The following OTUD5 variants were observed in gnomAD, a reference collection of about 807,000 sequenced individuals.
OTUD5 encodes OTU deubiquitinase 5.
In OTUD5, 2 loss-of-function variants were observed where a neutral mutation model predicts 36.3. The ratio of observed to expected loss-of-function variants is 0.06; its 90% CI spans 0.02 to 0.17. OTUD5 has a LOEUF of 0.17. Among genes scored for constraint, OTUD5 ranks in the 10% least tolerant of loss-of-function variants. OTUD5 has a pLI of 1.00. For missense variants in OTUD5, 233 were observed against 512.3 expected, an observed-to-expected ratio of 0.45 and a Z score of 5.26; for synonymous variants, 234 against 214.9, an observed-to-expected ratio of 1.09 and a Z score of -0.78.
At chrX:48,924,476 G>C (rs1412367434) in intron 6 of OTUD5, among the ~76,000 whole-genome samples, 1 of 111,427 alleles carries the variant, frequency 9.0e-6, no homozygotes. Context: ...CATCCTGTCC[G>C]TCCTCTGCTC....
At chrX:48,935,938 CAAAAAAAAAA>C (rs3030315) in intron 2 of OTUD5, among the ~76,000 whole-genome samples, 1 of 37,101 alleles carries the variant, frequency 2.7e-5, no homozygotes, top group African/African-American at 9.7e-5. Context: ...GACTCTGTCT[CAAAAAAAAAA>C]AAAAAAAAAA....
In OTUD5 at chrX:48,926,827, G is replaced by T. The variant is rs993719902; in HGVS notation, c.1060-777C>A. Among the ~76,000 whole-genome samples the T allele has an allele frequency of 2.7e-5, 3 of 111,423 alleles. No homozygotes were observed. The South Asian group carries it at 1.1e-3, about 41-fold the overall frequency. On this transcript the variant is annotated intron_variant, in intron 5 of 8. Coordinates refer to ENST00000376488, the MANE Select transcript of OTUD5 (RefSeq NM_001136157.2). ...AAGTAGTGGGTGTGTGAGGGAATAA[G>T]GGGGCAGTATCAACATGGTGTGGGG...
In OTUD5 at chrX:48,936,617, T is replaced by C. The variant is rs142654782; in HGVS notation, c.689-1599A>G. On this transcript the variant is annotated intron_variant, in intron 2 of 8. Coordinates refer to ENST00000376488, the MANE Select transcript of OTUD5 (RefSeq NM_001136157.2). ...TCACCAGATTTATCAAAGGTGTGCA[T>C]AGACTTCTGCCCGACCACACTGGGC... Among the ~76,000 whole-genome samples the C allele has an allele frequency of 5.0e-3, 559 of 111,470 alleles. 1 individual carries two copies. Among genetic ancestry groups the C allele is most frequent in the African/African-American group, 0.017 (523 of 30,633 alleles).
chrX:48,956,851 G>A (rs1201137417), intron 1 of OTUD5, 126 bp downstream of exon 1: 2 of 727,626 alleles, frequency 2.7e-6, no homozygotes, highest in Non-Finnish European at 3.7e-6. Flanking sequence ...CGCCAGAGAA[G>A]ACTGTCAGGC....
rs782771865 is a variant in OTUD5 at position 48,922,483 on chromosome X, TA to T, written c.*690del. 816 of 748,446 alleles carry T rather than the reference TA, an allele frequency of 1.1e-3. 10 individuals carry two copies. In the African/African-American group the frequency reaches 0.018, roughly 16 times the overall value. 61.7% of individuals were successfully genotyped at this position (748,446 alleles called of 1,213,427 possible). On this transcript the variant is annotated 3_prime_UTR_variant, in exon 9 of 9. Coordinates refer to ENST00000376488, the MANE Select transcript of OTUD5 (RefSeq NM_001136157.2). Reference sequence around the variant, plus strand: ...CCCTGCCCTTGCCCAGTGCACACCCTAGACCCTGGGCCGGCCTCCATGCAGC... The same window carrying T: ...CCCTGCCCTTGCCCAGTGCACACCCTGACCCTGGGCCGGCCTCCATGCAGC...
intron 2 of OTUD5, among the ~76,000 whole-genome samples, chrX:48,943,070 G>A (rs941085723): frequency 9.0e-6 from 1 of 111,373 alleles, no homozygotes; most frequent in African/African-American, 3.3e-5. Flanking sequence ...TTTCACAGAC[G>A]GGAAGACCAA....
At chrX:48,957,908 G>C (rs949091989), upstream of OTUD5, 8 of 603,951 alleles carry the variant, frequency 1.3e-5, no homozygotes, top group African/African-American at 2.0e-4. Flanking sequence ...ACCAAAACAA[G>C]CACCTCTTCG....
chrX:48,935,106 T>C, intron 2 of OTUD5, 88 bp from the exon 3 acceptor site: 1 of 894,150 alleles, frequency 1.1e-6, no homozygotes, highest in South Asian at 2.1e-5. Context: ...GAGGAGGAAC[T>C]GGGGGACCAG....
In OTUD5 at chrX:48,947,054, G is replaced by C. The variant is rs782760006; in HGVS notation, c.595-2771C>G. ...GGTAACCACCACAAGGTATGAACAAGGCTGTGAAAAATGTAAATGCCAGGT... is the reference window on the plus strand; with the variant it reads ...GGTAACCACCACAAGGTATGAACAACGCTGTGAAAAATGTAAATGCCAGGT... On this transcript the variant is annotated intron_variant, in intron 1 of 8. Coordinates refer to ENST00000376488, the MANE Select transcript of OTUD5 (RefSeq NM_001136157.2). Among the ~76,000 whole-genome samples the C allele has an allele frequency of 2.7e-5, 3 of 112,195 alleles. No individual in the cohort carries two copies. The East Asian group carries it at 8.4e-4, about 31-fold the overall frequency.
At chrX:48,957,696 G>T (rs1467613929), upstream of OTUD5, 17 of 796,087 alleles carry the variant, frequency 2.1e-5, no homozygotes, top group African/African-American at 2.4e-5. Flanking sequence ...AAGGGATCGC[G>T]GCACCGGTTC....
At chrX:48,955,003 C>T (rs1377000922) in intron 1 of OTUD5, among the ~76,000 whole-genome samples, 1 of 111,841 alleles carries the variant, frequency 8.9e-6, no homozygotes. Context: ...CGTTCCTCTC[C>T]CTGGACAGAA....
chrX:48,929,147 G>A (rs911201025), intron 5 of OTUD5, among the ~76,000 whole-genome samples: 1 of 111,190 alleles, frequency 9.0e-6, no homozygotes, highest in Non-Finnish European at 1.9e-5. Flanking sequence ...CAGCACTTTG[G>A]GAGGCCAAGG....
chrX:48,926,843 T>C (rs1347408667), intron 5 of OTUD5, among the ~76,000 whole-genome samples: 1 of 111,196 alleles, frequency 9.0e-6, no homozygotes, highest in Non-Finnish European at 1.9e-5. Flanking sequence ...AGTATCAACA[T>C]GGTGTGGGGT....
chrX:48,933,355 T>C (rs1029478701), intron 5 of OTUD5, among the ~76,000 whole-genome samples: 2 of 111,380 alleles, frequency 1.8e-5, no homozygotes, highest in Non-Finnish European at 3.8e-5. Context: ...CTATGACAAA[T>C]GTACTATGTT....
intron 1 of OTUD5, among the ~76,000 whole-genome samples, chrX:48,945,089 T>C (rs2064000054): frequency 9.4e-6 from 1 of 106,599 alleles, no homozygotes; most frequent in African/African-American, 3.4e-5. Flanking sequence ...CATCTGTGAC[T>C]GAACACATTT....
chrX:48,956,660 G>A (rs1557055371), intron 1 of OTUD5, among the ~76,000 whole-genome samples: 1 of 111,033 alleles, frequency 9.0e-6, no homozygotes, highest in Non-Finnish European at 1.9e-5. Context: ...AGAGGGGCGC[G>A]ATCCTACCTG....
At chrX:48,957,746 C>CGGCGGT (rs1266497831), upstream of OTUD5, 1,255 of 780,833 alleles carry the variant, frequency 1.6e-3, 4 homozygotes, top group Middle Eastern at 0.016. Flanking sequence ...GCGGCGGCGG[C>CGGCGGT]GGCGGTGGCG....
chrX:48,945,596 C>T (rs1021779120), intron 1 of OTUD5, among the ~76,000 whole-genome samples: 11 of 110,697 alleles, frequency 9.9e-5, no homozygotes, highest in Middle Eastern at 4.6e-3. Context: ...ATTCATTTGG[C>T]ATCATAACCT....
At chrX:48,949,419 T>C (rs186871957) in intron 1 of OTUD5, among the ~76,000 whole-genome samples, 2 of 111,692 alleles carry the variant, frequency 1.8e-5, no homozygotes, top group Non-Finnish European at 3.8e-5. Flanking sequence ...GATTCACGCC[T>C]GTAATCGCGG....
Sources: allele counts gnomAD v4.1 joint callset (sites outside exome capture counted in the v4.1 genomes callset), GRCh38; gene constraint gnomAD v4.1.1; transcripts MANE v1.5; gene names NCBI Gene and HGNC (gene_info 2026-07-23, HGNC 2026-07-21).